Variants in CDH12 observed in about 807,000 individuals in gnomAD.
CDH12 encodes the protein cadherin 12.
Under a neutral mutation model 74.1 loss-of-function variants are expected in CDH12, and 41 were observed. The observed-to-expected ratio is 0.55, with a 90% CI of 0.43 to 0.72. The LOEUF (loss-of-function observed/expected upper bound fraction) is 0.72, where lower values mean the gene tolerates loss of function less well. CDH12 is among the 30% of genes least tolerant of loss of function. The probability of loss-of-function intolerance (pLI) is 0.00; values close to 1 mark genes in which losing one functional copy is unlikely to be tolerated. For missense variants in CDH12, 945 were observed against 977.2 expected (o/e 0.97, Z 0.44); for synonymous variants, 399 against 355.0 (o/e 1.12, Z -1.39).
chr5:22,059,387 CTATCTATG>C lies in CDH12; in HGVS notation c.231+19051_231+19058del, dbSNP rs1176096198. Among the ~76,000 whole-genome samples the C allele has an allele frequency of 4.9e-3, 328 of 67,124 alleles. 1 individual carries two copies. Among genetic ancestry groups the C allele is most frequent in the African/African-American group, 0.025 (158 of 6,294 alleles). 44.0% of individuals were successfully genotyped at this position (67,124 alleles called of 152,430 possible). On this transcript the variant is annotated intron_variant, in intron 5 of 14. Transcript: ENST00000382254. ...TCTATCTATCTATCTATCTATCTAT[CTATCTATG>C]TATCTACTTTTAAAGCTATACCACT...
chr5:22,160,632 A>T (rs13164997), intron 4 of CDH12, among the ~76,000 whole-genome samples: 55,438 of 152,088 alleles, frequency 0.36, 11,334 homozygotes, highest in Admixed American at 0.48. Context: ...AGGCTAGTTT[A>T]AGATCAGGGT....
At chr5:22,115,784 C>T (rs991388113) in intron 4 of CDH12, among the ~76,000 whole-genome samples, 19 of 151,156 alleles carry the variant, frequency 1.3e-4, no homozygotes, top group South Asian at 8.4e-4. Flanking sequence ...CTCTGCCTCC[C>T]GGGTTCAAGC....
At chr5:22,091,265 T>TTG in intron 4 of CDH12, among the ~76,000 whole-genome samples, 2 of 146,510 alleles carry the variant, frequency 1.4e-5, no homozygotes, top group East Asian at 4.0e-4. Context: ...TTTAAGATAT[T>TTG]TGTGTGTGTG....
At position 22,567,904 on chromosome 5, in the gene CDH12, T is replaced by A. The variant is rs190413841; in HGVS notation, c.-522-62540A>T. Among the ~76,000 whole-genome samples the A allele has an allele frequency of 6.6e-5, 10 of 152,332 alleles. No homozygotes were observed. The East Asian group carries it at 1.7e-3, about 26-fold the overall frequency. ...AGCATATTTTGACTTATTTTTGCCCTGGTCAATCCCAGTGTGTACCTATGG... is the reference window on the plus strand; with the variant it reads ...AGCATATTTTGACTTATTTTTGCCCAGGTCAATCCCAGTGTGTACCTATGG... On this transcript the variant is annotated intron_variant, in intron 1 of 14. Coordinates refer to ENST00000382254, the MANE Select transcript of CDH12 (RefSeq NM_004061.5).
chr5:22,536,579 A>G (rs1432669680), intron 1 of CDH12, among the ~76,000 whole-genome samples: 1 of 152,216 alleles, frequency 6.6e-6, no homozygotes, highest in Non-Finnish European at 1.5e-5. Context: ...GCAACACCCA[A>G]TATCATAAAT....
At chr5:22,215,748 T>C (rs2150365921) in intron 3 of CDH12, among the ~76,000 whole-genome samples, 1 of 152,280 alleles carries the variant, frequency 6.6e-6, no homozygotes, top group Middle Eastern at 3.4e-3. Flanking sequence ...AGCTAAAGTT[T>C]ATCTCTGATT....
At chr5:22,545,099 AC>A (rs2126724859) in intron 1 of CDH12, among the ~76,000 whole-genome samples, 1 of 152,310 alleles carries the variant, frequency 6.6e-6, no homozygotes, top group South Asian at 2.1e-4. Flanking sequence ...GCCTCTGGCT[AC>A]TTTTGAGGTG....
intron 4 of CDH12, among the ~76,000 whole-genome samples, chr5:22,194,308 C>CTTTTTTTTT (rs59899245): frequency 7.1e-5 from 10 of 139,862 alleles, no homozygotes; most frequent in Non-Finnish European, 1.1e-4. Context: ...CTTTTTCTTT[C>CTTTTTTTTT]TTTTTTTTTT....
intron 1 of CDH12, among the ~76,000 whole-genome samples, chr5:22,804,617 A>C (rs913613497): frequency 7.9e-5 from 12 of 152,182 alleles, no homozygotes; most frequent in Admixed American, 7.9e-4. Context: ...TTTGCTCTTA[A>C]AGCCTTTAAA....
intron 3 of CDH12, among the ~76,000 whole-genome samples, chr5:22,402,160 T>C (rs575760807): frequency 3.3e-5 from 5 of 152,196 alleles, no homozygotes; most frequent in Admixed American, 2.6e-4. Context: ...ATGCAGAAGG[T>C]GATTTGGATT....
chr5:22,154,492 T>C (rs1490872182), intron 4 of CDH12, among the ~76,000 whole-genome samples: 2 of 40,672 alleles, frequency 4.9e-5, no homozygotes, highest in African/African-American at 1.7e-4. Flanking sequence ...TGTACACATA[T>C]ATATGTACAC....
intron 5 of CDH12, among the ~76,000 whole-genome samples, chr5:21,989,003 C>G (rs1757636727): frequency 6.6e-6 from 1 of 151,934 alleles, no homozygotes; most frequent in South Asian, 2.1e-4. Context: ...TTAGAGTTCA[C>G]TAAAGTTCAT....
intron 2 of CDH12, among the ~76,000 whole-genome samples, chr5:22,442,934 T>G (rs1744683617): frequency 6.6e-6 from 1 of 152,152 alleles, no homozygotes; most frequent in Admixed American, 6.6e-5. Context: ...AATTTGTATA[T>G]CAATATTGTG....
At chr5:22,180,271 G>A (rs186183460) in intron 4 of CDH12, among the ~76,000 whole-genome samples, 199 of 152,096 alleles carry the variant, frequency 1.3e-3, no homozygotes, top group Non-Finnish European at 2.1e-3. Context: ...TTCAGCTCTG[G>A]TTTCATGAAA....
intron 1 of CDH12, among the ~76,000 whole-genome samples, chr5:22,600,441 A>T (rs833345): frequency 0.34 from 51,383 of 151,894 alleles, 9,160 homozygotes; most frequent in African/African-American, 0.44. Flanking sequence ...TGTATTTATT[A>T]CATTTTAAGA....
chr5:21,914,469 T>A (rs1753999847), intron 6 of CDH12, among the ~76,000 whole-genome samples: 1 of 152,128 alleles, frequency 6.6e-6, no homozygotes, highest in Admixed American at 6.6e-5. Context: ...TACACATATA[T>A]ACACACATAC....
chr5:21,784,172 C>T (rs185060069), intron 10 of CDH12, among the ~76,000 whole-genome samples: 10 of 151,950 alleles, frequency 6.6e-5, no homozygotes, highest in East Asian at 3.9e-4. Flanking sequence ...TGTTGCCCTA[C>T]GTGAAGCAAC....
Position 22,545,783 on chromosome 5 carries a change from T to C in CDH12, c.-522-40419A>G, listed in dbSNP as rs1005877450. Among the ~76,000 whole-genome samples, 6 of 152,334 alleles carry C rather than the reference T, an allele frequency of 3.9e-5. No individual in the cohort carries two copies. The East Asian group carries it at 1.2e-3, about 29-fold the overall frequency. ...TCTCTTTTATTTGACACCTTTGAATTAATGTATAACTGCTAAGTACAAGGT... is the reference window on the plus strand; with the variant it reads ...TCTCTTTTATTTGACACCTTTGAATCAATGTATAACTGCTAAGTACAAGGT... On this transcript the variant is annotated intron_variant, in intron 1 of 14. Transcript: ENST00000382254.
chr5:22,719,715 T>A (rs1191392830), intron 1 of CDH12, among the ~76,000 whole-genome samples: 1 of 152,120 alleles, frequency 6.6e-6, no homozygotes, highest in Non-Finnish European at 1.5e-5. Context: ...GCAGGGAAAA[T>A]AATCATAATT....
Sources: allele counts gnomAD v4.1 joint callset (sites outside exome capture counted in the v4.1 genomes callset), GRCh38; gene constraint gnomAD v4.1.1; transcripts MANE v1.5; gene names NCBI Gene and HGNC (gene_info 2026-07-23, HGNC 2026-07-21).